DOCK4: variants seen among roughly 807,000 people sequenced by gnomAD.
The protein encoded by DOCK4 is dedicator of cytokinesis protein 4.
Under a neutral mutation model 268.1 loss-of-function variants are expected in DOCK4, and 97 were observed. The observed-to-expected ratio is 0.36, with a 90% CI of 0.31 to 0.43. DOCK4 has a LOEUF of 0.43. Among genes scored for constraint, DOCK4 ranks in the 20% least tolerant of loss-of-function variants. DOCK4 has a pLI of 1.00. For synonymous variants in DOCK4, 954 were observed against 887.2 expected, an observed-to-expected ratio of 1.08 and a Z score of -1.34; for missense variants, 2,145 against 2,455.7, an observed-to-expected ratio of 0.87 and a Z score of 2.67.
intron 52 of DOCK4, among the ~76,000 whole-genome samples, chr7:111,730,783 A>G (rs1206888530): frequency 6.6e-6 from 1 of 152,210 alleles, no homozygotes; most frequent in Non-Finnish European, 1.5e-5. Context: ...CAAACCCTAC[A>G]TATAAAGACA....
chr7:111,973,600 T>G (rs757255087), intron 8 of DOCK4, among the ~76,000 whole-genome samples: 1 of 152,148 alleles, frequency 6.6e-6, no homozygotes, highest in Non-Finnish European at 1.5e-5. Context: ...TGGGGGAATC[T>G]GAATCCAATG....
intron 22 of DOCK4, 86 bp downstream of exon 22, chr7:111,867,898 G>A (rs10237235): frequency 7.9e-7 from 1 of 1,262,570 alleles, no homozygotes; most frequent in Admixed American, 3.6e-5. Context: ...TTCTGATGGA[G>A]AAAACATTTG....
chr7:111,777,747 G>A (rs1798540986), intron 36 of DOCK4, among the ~76,000 whole-genome samples: 3 of 152,126 alleles, frequency 2.0e-5, no homozygotes, highest in African/African-American at 7.2e-5. Flanking sequence ...TTCCCATGCT[G>A]CTCTCATAAT....
chr7:111,983,705 T>G (rs1798779533), intron 7 of DOCK4, among the ~76,000 whole-genome samples: 1 of 151,894 alleles, frequency 6.6e-6, no homozygotes, highest in African/African-American at 2.4e-5. Context: ...ATCAAATATT[T>G]TAGGATGATT....
chr7:111,786,924 C>T lies in DOCK4; in HGVS notation c.3401+1738G>A, dbSNP rs1000554163. 3.9e-5 allele frequency among the ~76,000 whole-genome samples: 6 copies of T among 152,190 alleles called. No homozygotes were observed. The East Asian group carries it at 1.2e-3, about 29-fold the overall frequency. ...ATTCCCAATATGCTGATCGTAAAAG[C>T]ATGAAAGGAAATTATTTATAGTAGC... On this transcript the variant is annotated intron_variant, in intron 32 of 52. Coordinates refer to ENST00000428084, the MANE Select transcript of DOCK4 (RefSeq NM_001363540.2).
intron 8 of DOCK4, among the ~76,000 whole-genome samples, chr7:111,949,610 T>C (rs1444862143): frequency 6.6e-6 from 1 of 152,120 alleles, no homozygotes; most frequent in Non-Finnish European, 1.5e-5. Flanking sequence ...TGTACAGTTC[T>C]TTTAAAAGCC....
chr7:112,138,269 T>C (rs1009152586), intron 1 of DOCK4, among the ~76,000 whole-genome samples: 2 of 152,246 alleles, frequency 1.3e-5, no homozygotes, highest in African/African-American at 4.8e-5. Flanking sequence ...CTCTTAATTA[T>C]CACTGTTAAA....
chr7:111,807,058 T>G (rs1443079483), intron 30 of DOCK4, among the ~76,000 whole-genome samples: 1 of 152,186 alleles, frequency 6.6e-6, no homozygotes, highest in African/African-American at 2.4e-5. Context: ...CTATTATGGT[T>G]TGGATACAGG....
chr7:112,029,399 T>A (rs974445052), intron 1 of DOCK4, among the ~76,000 whole-genome samples: 1 of 152,200 alleles, frequency 6.6e-6, no homozygotes, highest in Non-Finnish European at 1.5e-5. Flanking sequence ...GTTCTGGATA[T>A]GAAACTGTTG....
At chr7:111,836,267 T>G (rs971141960) in intron 25 of DOCK4, among the ~76,000 whole-genome samples, 2 of 151,208 alleles carry the variant, frequency 1.3e-5, no homozygotes, top group African/African-American at 4.9e-5. Context: ...TTAGTTAGAG[T>G]ACCAAAAACA....
At chr7:111,777,612 C>T (rs1386271617) in intron 36 of DOCK4, among the ~76,000 whole-genome samples, 1 of 152,168 alleles carries the variant, frequency 6.6e-6, no homozygotes, top group Non-Finnish European at 1.5e-5. Flanking sequence ...AAAATTCCCA[C>T]ATTTAACTTT....
At chr7:112,114,452 A>T (rs1811943905) in intron 1 of DOCK4, among the ~76,000 whole-genome samples, 1 of 152,180 alleles carries the variant, frequency 6.6e-6, no homozygotes, top group African/African-American at 2.4e-5. Context: ...GGCTCTTGTT[A>T]TTCATTTCCA....
At chr7:112,105,822 G>A (rs1363014232) in intron 1 of DOCK4, among the ~76,000 whole-genome samples, 5 of 151,846 alleles carry the variant, frequency 3.3e-5, no homozygotes, top group Non-Finnish European at 5.9e-5. Context: ...CCAGGTAGCT[G>A]GGACTATAGG....
chr7:111,783,394 A>G (rs970048138), intron 34 of DOCK4, among the ~76,000 whole-genome samples: 5 of 152,146 alleles, frequency 3.3e-5, no homozygotes, highest in African/African-American at 1.2e-4. Context: ...TATAAAAATA[A>G]AAAACATAGG....
chr7:111,775,129 A>C (rs947608382), intron 36 of DOCK4, among the ~76,000 whole-genome samples: 1 of 152,216 alleles, frequency 6.6e-6, no homozygotes, highest in Non-Finnish European at 1.5e-5. Context: ...AACTTCATGA[A>C]TGATTATTTG....
chr7:111,915,631 G>A, intron 13 of DOCK4, 148 bp downstream of exon 13: 4 of 628,642 alleles, frequency 6.4e-6, no homozygotes, highest in Non-Finnish European at 7.4e-6. Context: ...AGAAAAAAAT[G>A]TGCTTACTTA....
intron 1 of DOCK4, among the ~76,000 whole-genome samples, chr7:112,151,394 T>C (rs1489431060): frequency 1.3e-5 from 2 of 151,992 alleles, no homozygotes; most frequent in Non-Finnish European, 2.9e-5. Flanking sequence ...ACTCCAAATA[T>C]GGTAGATAGT....
chr7:111,865,870 C>T (rs939746880), intron 22 of DOCK4, among the ~76,000 whole-genome samples: 1 of 152,202 alleles, frequency 6.6e-6, no homozygotes, highest in Non-Finnish European at 1.5e-5. Context: ...AGCACCTCCC[C>T]CCACCGGCTG....
rs1687803908 is a variant in DOCK4 at position 111,727,171 on chromosome 7, T to C, written c.*1103A>G. On this transcript the variant is annotated 3_prime_UTR_variant, in exon 53 of 53. Coordinates refer to ENST00000428084, the MANE Select transcript of DOCK4 (RefSeq NM_001363540.2). Reference sequence around the variant, plus strand: ...CTAGACCTAAGATGCTATGTTGCAATATTCAAGCTAGAGAAGTCTACAGCA... The same window carrying C: ...CTAGACCTAAGATGCTATGTTGCAACATTCAAGCTAGAGAAGTCTACAGCA... The C allele has an allele frequency of 6.6e-6, 1 of 152,646 alleles. No individual in the cohort carries two copies. Among genetic ancestry groups the C allele is most frequent in the Admixed American group, 6.5e-5 (1 of 15,288 alleles). 9.5% of individuals were successfully genotyped at this position (152,646 alleles called of 1,614,324 possible).
Sources: allele counts gnomAD v4.1 joint callset (sites outside exome capture counted in the v4.1 genomes callset), GRCh38; gene constraint gnomAD v4.1.1; transcripts MANE v1.5; gene names NCBI Gene and HGNC (gene_info 2026-07-23, HGNC 2026-07-21).